Variants in THSD4 observed in about 807,000 individuals in gnomAD.
THSD4 encodes thrombospondin type-1 domain-containing protein 4.
In THSD4, 69 loss-of-function variants were observed where a neutral mutation model predicts 119.0. The ratio of observed to expected loss-of-function variants is 0.58; its 90% CI spans 0.48 to 0.71. The LOEUF (loss-of-function observed/expected upper bound fraction) is 0.71, where lower values mean the gene tolerates loss of function less well. THSD4 is among the 30% of genes least tolerant of loss of function. THSD4 has a pLI of 0.00. For synonymous variants in THSD4, 524 were observed against 540.4 expected, an observed-to-expected ratio of 0.97 and a Z score of 0.42; for missense variants, 1,393 against 1,391.1, an observed-to-expected ratio of 1.00 and a Z score of -0.02.
At chr15:71,524,198 G>A (rs1277039491) in intron 7 of THSD4, among the ~76,000 whole-genome samples, 1 of 152,184 alleles carries the variant, frequency 6.6e-6, no homozygotes, top group African/African-American at 2.4e-5. Context: ...GTCTGATGAG[G>A]GCCAGGCTTG....
At chr15:71,522,702 T>C (rs1401562035) in intron 7 of THSD4, among the ~76,000 whole-genome samples, 1 of 152,220 alleles carries the variant, frequency 6.6e-6, no homozygotes, top group Non-Finnish European at 1.5e-5. Flanking sequence ...ACCCAGAATC[T>C]TCCTTGACTT....
At chr15:71,348,365 T>G (rs931213792) in intron 6 of THSD4, 1 of 152,228 alleles carries the variant, frequency 6.6e-6, no homozygotes, top group Non-Finnish European at 1.5e-5. Flanking sequence ...CTGTTGTTGC[T>G]GCTCTGAGGA....
At chr15:71,538,240 G>T (rs540295998) in intron 7 of THSD4, among the ~76,000 whole-genome samples, 3 of 151,896 alleles carry the variant, frequency 2.0e-5, no homozygotes, top group African/African-American at 7.3e-5. Context: ...TCATACTTCC[G>T]TTGTTTGCAT....
At chr15:71,673,420 C>T (rs976820745) in intron 8 of THSD4, among the ~76,000 whole-genome samples, 1 of 152,064 alleles carries the variant, frequency 6.6e-6, no homozygotes, top group Non-Finnish European at 1.5e-5. Flanking sequence ...ACAATTTTAT[C>T]AGTCTTTTCA....
chr15:71,732,866 T>G (rs1264258192), intron 10 of THSD4: 2 of 152,192 alleles, frequency 1.3e-5, no homozygotes, highest in East Asian at 3.9e-4. Context: ...TCCATTCTTC[T>G]CTGAACTTTG....
intron 14 of THSD4, among the ~76,000 whole-genome samples, chr15:71,750,435 C>G (rs920838357): frequency 2.6e-5 from 4 of 152,216 alleles, no homozygotes; most frequent in East Asian, 1.9e-4. Context: ...TTTTGTCCCT[C>G]TATCACCATA....
Position 71,256,729 on chromosome 15 carries a change from C to T in THSD4, c.1015+14C>T. Reference sequence around the variant, plus strand: ...CATTTGCAGAAGGTAAGAATAGACCCAGCCCTGTCCATAGAAGTTACTTTA... The same window carrying T: ...CATTTGCAGAAGGTAAGAATAGACCTAGCCCTGTCCATAGAAGTTACTTTA... On this transcript the variant is annotated intron_variant, in intron 6 of 17. Coordinates refer to ENST00000261862, the MANE Select transcript of THSD4 (RefSeq NM_024817.3). The T allele has an allele frequency of 6.2e-7, 1 of 1,603,860 alleles. No individual in the cohort carries two copies. Among genetic ancestry groups the T allele is most frequent in the Non-Finnish European group, 8.5e-7 (1 of 1,172,504 alleles).
At chr15:71,511,088 G>C (rs1396272188) in intron 7 of THSD4, among the ~76,000 whole-genome samples, 1 of 152,124 alleles carries the variant, frequency 6.6e-6, no homozygotes, top group Non-Finnish European at 1.5e-5. Context: ...TACAGAGCAA[G>C]ATAAAGAAAA....
At chr15:71,519,871 G>T (rs1042087572) in intron 7 of THSD4, among the ~76,000 whole-genome samples, 2 of 152,184 alleles carry the variant, frequency 1.3e-5, no homozygotes, top group African/African-American at 4.8e-5. Flanking sequence ...TGGGTGTGAG[G>T]AGTGATCCTC....
At chr15:71,330,013 G>A (rs925968578) in intron 6 of THSD4, among the ~76,000 whole-genome samples, 13 of 151,926 alleles carry the variant, frequency 8.6e-5, no homozygotes, top group Non-Finnish European at 1.5e-4. Flanking sequence ...CTGGGAGGTC[G>A]AGGCTGCGGT....
At chr15:71,604,574 C>G (rs1190407508) in intron 7 of THSD4, among the ~76,000 whole-genome samples, 2 of 152,158 alleles carry the variant, frequency 1.3e-5, no homozygotes, top group African/African-American at 4.8e-5. Flanking sequence ...CTAGGATATT[C>G]TAATGCAAGG....
At chr15:71,632,337 G>T (rs1218353081) in intron 7 of THSD4, among the ~76,000 whole-genome samples, 1 of 152,204 alleles carries the variant, frequency 6.6e-6, no homozygotes, top group Non-Finnish European at 1.5e-5. Context: ...GTCCCCTCCT[G>T]ATGACTGTAT....
At chr15:71,326,691 AAAAAAAAAAATATATATATAT>A (rs2045345451) in intron 6 of THSD4, among the ~76,000 whole-genome samples, 4 of 53,932 alleles carry the variant, frequency 7.4e-5, no homozygotes, top group South Asian at 7.2e-4. Flanking sequence ...AAAAAAAAAA[AAAAAAAAAAATATATATATAT>A]ATATATATAT....
At chr15:71,593,969 A>G (rs2049858739) in intron 7 of THSD4, among the ~76,000 whole-genome samples, 1 of 151,436 alleles carries the variant, frequency 6.6e-6, no homozygotes, top group African/African-American at 2.4e-5. Flanking sequence ...TGAAATCACT[A>G]AGAATGGGGG....
intron 7 of THSD4, among the ~76,000 whole-genome samples, chr15:71,430,786 G>GAA (rs1453296547): frequency 0.019 from 2,448 of 130,968 alleles, 53 homozygotes; most frequent in Middle Eastern, 0.044. Flanking sequence ...AAAAAAAAGA[G>GAA]AGTTACATTC....
chr15:71,594,534 G>A (rs779541882), intron 7 of THSD4, among the ~76,000 whole-genome samples: 1 of 152,036 alleles, frequency 6.6e-6, no homozygotes, highest in Non-Finnish European at 1.5e-5. Context: ...TATCCAGCCC[G>A]ACCCAGGTGT....
intron 7 of THSD4, among the ~76,000 whole-genome samples, chr15:71,528,648 A>G (rs746187674): frequency 2.0e-5 from 3 of 152,178 alleles, no homozygotes; most frequent in Non-Finnish European, 4.4e-5. Flanking sequence ...TGCATCCCAT[A>G]ATGTAAACAC....
intron 13 of THSD4, among the ~76,000 whole-genome samples, chr15:71,748,058 T>C (rs1394990072): frequency 6.6e-6 from 1 of 152,170 alleles, no homozygotes; most frequent in Non-Finnish European, 1.5e-5. Context: ...GCTGGTCGGT[T>C]GTGTCTAGAC....
intron 3 of THSD4, among the ~76,000 whole-genome samples, chr15:71,190,518 G>A (rs74021947): frequency 0.016 from 2,406 of 152,318 alleles, 64 homozygotes; most frequent in African/African-American, 0.056. Context: ...GCTAGAAGCT[G>A]TGCAAACTCT....
Sources: allele counts gnomAD v4.1 joint callset (sites outside exome capture counted in the v4.1 genomes callset), GRCh38; gene constraint gnomAD v4.1.1; transcripts MANE v1.5; gene names NCBI Gene and HGNC (gene_info 2026-07-23, HGNC 2026-07-21).